Variants in ANO3 observed in about 807,000 individuals in gnomAD.
ANO3 encodes the protein anoctamin-3.
In ANO3, 99 loss-of-function variants were observed where a neutral mutation model predicts 144.8. That is an observed-to-expected ratio of 0.68 (90% CI 0.58 to 0.81). ANO3 has a LOEUF of 0.81. ANO3 is among the 30% of genes least tolerant of loss of function. The pLI is 0.00. For synonymous variants in ANO3, 414 were observed against 392.6 expected (o/e 1.05, Z -0.64); for missense variants, 905 against 1,202.2 (o/e 0.75, Z 3.66).
At chr11:26,384,054 T>C (rs1474342660) in intron 1 of ANO3, among the ~76,000 whole-genome samples, 1 of 151,622 alleles carries the variant, frequency 6.6e-6, no homozygotes, top group African/African-American at 2.4e-5. Context: ...CGTGCCACCA[T>C]AACCCGGCTA....
At chr11:26,227,826 T>C (rs1852287304) in intron 1 of ANO3, among the ~76,000 whole-genome samples, 2 of 152,184 alleles carry the variant, frequency 1.3e-5, no homozygotes, top group Admixed American at 1.3e-4. Flanking sequence ...GTTTCACTCT[T>C]GATATATACA....
intron 4 of ANO3, among the ~76,000 whole-genome samples, chr11:26,465,156 GTGTGTC>G (rs1368832817): frequency 7.6e-4 from 94 of 123,848 alleles, no homozygotes; most frequent in African/African-American, 1.6e-3. Context: ...GTGTGTGTGT[GTGTGTC>G]TGTGTGTGAA....
Position 26,553,299 on chromosome 11 carries a change from A to G in ANO3, c.1340A>G (p.Lys447Arg), listed in dbSNP as rs1359738192. 6.2e-7 allele frequency: 1 copy of G among 1,613,008 alleles called. No homozygotes were observed. Among genetic ancestry groups the G allele is most frequent in the East Asian group, 2.2e-5 (1 of 44,850 alleles). The change falls in exon 13 of 27, where the codon AAG (lysine) becomes AGG (arginine). Residue 447 changes from lysine (K) to arginine (R), a missense_variant. By Grantham distance (26) the Lys-to-Arg change is conservative. This residue lies in a region of ANO3 where 597 missense variants were observed against 865.1 expected (regional missense o/e 0.69). Transcript: ENST00000256737. ...TEVFMCPLCD[K>R]NCSLQRLNDS... The stretch of plus-strand genomic sequence containing the variant: ...GTCTTTATGTGCCCTCTCTGTGACA[A>G]GAACTGCTCCCTGCAGAGACTCAAC...
Position 26,270,905 on chromosome 11 carries a change from G to C in ANO3, c.155-38740G>C, listed in dbSNP as rs145676089. Among the ~76,000 whole-genome samples, 41 of 152,256 alleles carry C rather than the reference G, an allele frequency of 2.7e-4. No homozygotes were observed. The East Asian group carries it at 5.4e-3, about 20-fold the overall frequency. ...ATGAAAAATATAGCATCAGCTGGAG[G>C]ATAAAAGAAAAGAAGTCTCTGGGAA... On this transcript the variant is annotated intron_variant, in intron 1 of 27. Transcript: ENST00000672621.
intron 14 of ANO3, chr11:26,562,974 G>A: frequency 8.5e-7 from 1 of 1,183,018 alleles, no homozygotes; most frequent in Non-Finnish European, 1.1e-6. Context: ...TTGATAAACA[G>A]AAGGTGGATC....
At chr11:26,551,862 TGATTACTAGTAA>T (rs1245603616) in intron 12 of ANO3, among the ~76,000 whole-genome samples, 2 of 152,024 alleles carry the variant, frequency 1.3e-5, no homozygotes, top group Non-Finnish European at 2.9e-5. Flanking sequence ...GTAGACATCC[TGATTACTAGTAA>T]GATGATGAGT....
chr11:26,419,374 T>C (rs555766621), intron 1 of ANO3, among the ~76,000 whole-genome samples: 3 of 152,280 alleles, frequency 2.0e-5, no homozygotes, highest in Admixed American at 1.3e-4. Context: ...TTTCTTATTC[T>C]GTTTCTGATT....
intron 1 of ANO3, among the ~76,000 whole-genome samples, chr11:26,199,110 CT>C (rs34396992): frequency 0.24 from 35,390 of 147,514 alleles, 4,692 homozygotes; most frequent in Non-Finnish European, 0.29. Context: ...TAGGTTTCCA[CT>C]TTTTTTTTTT....
chr11:26,549,540 G>T (rs1849876069), intron 12 of ANO3, among the ~76,000 whole-genome samples: 1 of 151,762 alleles, frequency 6.6e-6, no homozygotes, highest in Non-Finnish European at 1.5e-5. Context: ...TGCAGATGTG[G>T]CTCTATTGAT....
At position 26,350,990 on chromosome 11, in the gene ANO3, C is replaced by A. The variant is rs532196527; in HGVS notation, c.46+18669C>A. Among the ~76,000 whole-genome samples the A allele has an allele frequency of 1.6e-3, 247 of 152,174 alleles. 2 individuals are homozygous for A. Among genetic ancestry groups the A allele is most frequent in the African/African-American group, 5.6e-3 (231 of 41,548 alleles). The stretch of plus-strand genomic sequence containing the variant: ...ATTTTTGCCTGATATGTAGGGAGAA[C>A]TTTTGAGCTGTACAGTGTTGTCAGT... On this transcript the variant is annotated intron_variant, in intron 1 of 26. Coordinates refer to ENST00000256737, the MANE Select transcript of ANO3 (RefSeq NM_031418.4).
chr11:26,471,214 TG>T (rs1859770760), intron 4 of ANO3, among the ~76,000 whole-genome samples: 1 of 151,966 alleles, frequency 6.6e-6, no homozygotes, highest in Admixed American at 6.6e-5. Context: ...TCTCTTTAAC[TG>T]TAGACTCGGC....
At chr11:26,450,168 G>C (rs1858872909) in intron 3 of ANO3, among the ~76,000 whole-genome samples, 1 of 152,168 alleles carries the variant, frequency 6.6e-6, no homozygotes, top group Non-Finnish European at 1.5e-5. Context: ...CTAGATGATA[G>C]TAACTGTGAC....
chr11:26,437,301 G>A (rs1483731180), intron 1 of ANO3, among the ~76,000 whole-genome samples: 3 of 152,158 alleles, frequency 2.0e-5, no homozygotes, highest in East Asian at 3.9e-4. Context: ...CTGCTCTGCC[G>A]AGACTCCACA....
chr11:26,347,770 A>G (rs563455267), intron 1 of ANO3, among the ~76,000 whole-genome samples: 2 of 152,362 alleles, frequency 1.3e-5, no homozygotes, highest in East Asian at 1.9e-4. Context: ...AAAGTTTGGA[A>G]TAGCATCTTA....
At chr11:26,659,566 A>C (rs2133104622) in intron 26 of ANO3, among the ~76,000 whole-genome samples, 1 of 152,028 alleles carries the variant, frequency 6.6e-6, no homozygotes, top group Admixed American at 6.6e-5. Context: ...GTGTAGTGGC[A>C]GGCAACTGTA....
chr11:26,507,122 G>A (rs1861465059), intron 4 of ANO3, among the ~76,000 whole-genome samples: 2 of 152,156 alleles, frequency 1.3e-5, no homozygotes, highest in Non-Finnish European at 2.9e-5. Context: ...TTCAAGTCCT[G>A]GCTCCTCATT....
chr11:26,604,893 C>T (rs1177752494), intron 17 of ANO3, among the ~76,000 whole-genome samples: 5 of 152,018 alleles, frequency 3.3e-5, no homozygotes, highest in Non-Finnish European at 7.4e-5. Flanking sequence ...TCTTTCTATT[C>T]GAATACCCTT....
At chr11:26,511,965 A>G (rs1385520287) in intron 5 of ANO3, among the ~76,000 whole-genome samples, 1 of 152,148 alleles carries the variant, frequency 6.6e-6, no homozygotes, top group East Asian at 1.9e-4. Context: ...CTTTTTTGTT[A>G]GTTTAAGACT....
At chr11:26,458,068 T>C (rs80332635) in intron 3 of ANO3, among the ~76,000 whole-genome samples, 1,980 of 152,244 alleles carry the variant, frequency 0.013, 42 homozygotes, top group African/African-American at 0.046. Context: ...GGAAATATAA[T>C]ATTTGGTATT....
Sources: gnomAD v4.1 joint callset for allele counts (sites outside exome capture counted in the v4.1 genomes callset) on GRCh38, gnomAD v4.1.1 for gene constraint, gnomAD v4.1.1 regional missense constraint, MANE v1.5 for transcripts, NCBI Gene and HGNC (gene_info 2026-07-23, HGNC 2026-07-21) for gene names.